The following MYO18B variants were observed in gnomAD, a reference collection of about 807,000 sequenced individuals.
The protein encoded by MYO18B is unconventional myosin-XVIIIb.
Under a neutral mutation model 273.0 loss-of-function variants are expected in MYO18B, and 204 were observed. The observed-to-expected ratio is 0.75, with a 90% CI of 0.67 to 0.84. MYO18B has a LOEUF of 0.84. MYO18B is among the 40% of genes least tolerant of loss of function. MYO18B has a pLI of 0.00. For missense variants in MYO18B, 3,212 were observed against 3,287.6 expected (o/e 0.98, Z 0.56); for synonymous variants, 1,330 against 1,305.7 (o/e 1.02, Z -0.40).
At chr22:25,871,824 AT>A (rs1356884715) in intron 22 of MYO18B, among the ~76,000 whole-genome samples, 2 of 152,138 alleles carry the variant, frequency 1.3e-5, no homozygotes, top group African/African-American at 4.8e-5. Context: ...CCAGAGAGAA[AT>A]TGAGATAAGA....
chr22:25,773,056 T>G (rs2086780766), intron 7 of MYO18B, among the ~76,000 whole-genome samples: 1 of 152,128 alleles, frequency 6.6e-6, no homozygotes, highest in Non-Finnish European at 1.5e-5. Context: ...ACTTTAGTTT[T>G]TTTCCTCGGA....
chr22:25,909,752 TCTC>T (rs1430306831), intron 32 of MYO18B, among the ~76,000 whole-genome samples: 1 of 152,196 alleles, frequency 6.6e-6, no homozygotes, highest in African/African-American at 2.4e-5. Context: ...GATATTGACT[TCTC>T]ATTCTGGTGA....
chr22:25,997,978 C>CACACACGAGAGAGAGAGA (rs34431605), intron 40 of MYO18B, among the ~76,000 whole-genome samples: 2 of 144,548 alleles, frequency 1.4e-5, no homozygotes, highest in African/African-American at 5.3e-5. Flanking sequence ...CACACACACA[C>CACACACGAGAGAGAGAGA]GAGAGAGAGA....
At chr22:25,838,600 C>A (rs2089977515) in intron 17 of MYO18B, among the ~76,000 whole-genome samples, 1 of 152,212 alleles carries the variant, frequency 6.6e-6, no homozygotes, top group Non-Finnish European at 1.5e-5. Context: ...TACACGAGTA[C>A]TTACCATTGT....
At chr22:25,847,948 T>TACACACAC (rs59375568) in intron 20 of MYO18B, among the ~76,000 whole-genome samples, 3 of 146,280 alleles carry the variant, frequency 2.1e-5, no homozygotes, top group African/African-American at 7.5e-5. Context: ...CACACACACA[T>TACACACAC]ACACACACAC....
chr22:25,765,820 T>G (rs2086485345), intron 3 of MYO18B, among the ~76,000 whole-genome samples: 1 of 152,196 alleles, frequency 6.6e-6, no homozygotes, highest in Non-Finnish European at 1.5e-5. Context: ...CCACCCCATG[T>G]TACTGTCTCC....
chr22:25,894,676 G>T lies in MYO18B; in HGVS notation c.4544-480G>T, dbSNP rs184900492. ...TATATACTCTGTACAACCCAATAAA[G>T]TTGGCCAGTAGGATGACTCTTTTTA... On this transcript the variant is annotated intron_variant, in intron 27 of 43. Transcript: ENST00000335473. 392 of 153,548 alleles carry T rather than the reference G, an allele frequency of 2.6e-3. 1 individual carries two copies. Among genetic ancestry groups the T allele is most frequent in the Non-Finnish European group, 3.7e-3 (258 of 68,926 alleles). 9.5% of individuals were successfully genotyped at this position (153,548 alleles called of 1,614,324 possible).
In MYO18B at chr22:25,826,064, A is replaced by G. The variant is rs374626843; in HGVS notation, c.2696-345A>G. ...ATAACTATACTAGAAAGATGATGCT[A>G]TGGGAAGTGCTATTAGAAGCAACAC... On this transcript the variant is annotated intron_variant, in intron 13 of 43. Transcript: ENST00000335473. 1.4e-3 allele frequency among the ~76,000 whole-genome samples: 219 copies of G among 152,310 alleles called. 10 individuals carry two copies. The South Asian group carries it at 0.044, about 31-fold the overall frequency.
At chr22:26,060,301 C>CT in the MYO18B span, among the ~76,000 whole-genome samples, 1 of 152,150 alleles carries the variant, frequency 6.6e-6, no homozygotes, top group African/African-American at 2.4e-5. Flanking sequence ...CTCACAGAGC[C>CT]TAAAGTATGT....
Position 25,988,222 on chromosome 22 carries a change from CTGTT to C in MYO18B, c.6157-4138_6157-4135del, listed in dbSNP as rs535958472. Among the ~76,000 whole-genome samples the C allele has an allele frequency of 1.2e-4, 18 of 152,070 alleles. No homozygotes were observed. In the East Asian group the frequency reaches 3.1e-3, roughly 26 times the overall value. On this transcript the variant is annotated intron_variant, in intron 39 of 43. Coordinates refer to ENST00000335473, the MANE Select transcript of MYO18B (RefSeq NM_032608.7). ...CCTTGTATTATCTGCCCCAGGGAGA[CTGTT>C]TGGGGCACTGCGTTTGTTTAGCCTA...
At chr22:26,052,652 G>A in the MYO18B span, among the ~76,000 whole-genome samples, 1 of 152,162 alleles carries the variant, frequency 6.6e-6, no homozygotes, top group African/African-American at 2.4e-5. Context: ...GGAAAAGTTG[G>A]CAGCTTGCTG....
rs528383355 is a variant in MYO18B, at chr22:25,893,373, C to T, written c.4544-1783C>T. ...TATAAATGGGGATATCAGGTAAACT[C>T]AGGAAAACATGTTGATTAAGGGTGG... On this transcript the variant is annotated intron_variant, in intron 27 of 43. Transcript: ENST00000335473. Among the ~76,000 whole-genome samples the T allele has an allele frequency of 1.9e-3, 286 of 152,230 alleles. 2 individuals carry two copies. Among genetic ancestry groups the T allele is most frequent in the African/African-American group, 6.4e-3 (267 of 41,536 alleles).
chr22:25,814,220 TG>T (rs1278014651), intron 12 of MYO18B, among the ~76,000 whole-genome samples: 1 of 150,952 alleles, frequency 6.6e-6, no homozygotes, highest in East Asian at 1.9e-4. Flanking sequence ...ACCCTTCTTT[TG>T]GGTCTCTGTC....
In MYO18B at chr22:25,948,615, A is replaced by G. The variant is rs2092756296; in HGVS notation, c.5748+787A>G. On this transcript the variant is annotated intron_variant, in intron 36 of 43. Coordinates refer to ENST00000335473, the MANE Select transcript of MYO18B (RefSeq NM_032608.7). Reference sequence around the variant, plus strand: ...TCTTCTTATCTTTCTATCTGTAGCTATTTATTCAATATTTACTGAATCCTT... The same window carrying G: ...TCTTCTTATCTTTCTATCTGTAGCTGTTTATTCAATATTTACTGAATCCTT... Among the ~76,000 whole-genome samples the G allele has an allele frequency of 1.4e-5, 2 of 142,284 alleles. 1 individual carries two copies. Among genetic ancestry groups the G allele is most frequent in the South Asian group, 4.5e-4 (2 of 4,438 alleles). The allele number at this position is 142,284 out of a possible 152,430, so 93.3% of individuals were successfully genotyped here.
chr22:25,964,776 A>G (rs1391048950), intron 39 of MYO18B: 3 of 152,154 alleles, frequency 2.0e-5, no homozygotes, highest in Admixed American at 6.5e-5. Flanking sequence ...AACTATGATA[A>G]CTCCCCATTT....
the MYO18B span, among the ~76,000 whole-genome samples, chr22:26,057,855 AG>A: frequency 6.6e-6 from 1 of 152,212 alleles, no homozygotes; most frequent in Admixed American, 6.5e-5. Context: ...TGTCACACTC[AG>A]CTTCAGCAAG....
At chr22:25,940,445 T>C (rs997642050) in intron 34 of MYO18B, among the ~76,000 whole-genome samples, 6 of 152,196 alleles carry the variant, frequency 3.9e-5, no homozygotes, top group African/African-American at 1.4e-4. Flanking sequence ...CTTTATAAAT[T>C]ATCCAGTCTC....
At chr22:25,979,334 T>A (rs2093125843) in intron 39 of MYO18B, among the ~76,000 whole-genome samples, 1 of 152,236 alleles carries the variant, frequency 6.6e-6, no homozygotes, top group Non-Finnish European at 1.5e-5. Context: ...ATTTTTGCAG[T>A]TGAGACTTAA....
intron 17 of MYO18B, among the ~76,000 whole-genome samples, chr22:25,839,029 T>C (rs2089996157): frequency 6.6e-6 from 1 of 151,924 alleles, no homozygotes; most frequent in South Asian, 2.1e-4. Flanking sequence ...CCTGTGTGTG[T>C]ATGTATGAGT....
Sources: gnomAD v4.1 joint callset for allele counts (sites outside exome capture counted in the v4.1 genomes callset) on GRCh38, gnomAD v4.1.1 for gene constraint, MANE v1.5 for transcripts, NCBI Gene and HGNC (gene_info 2026-07-23, HGNC 2026-07-21) for gene names.